SNX29: variants seen among roughly 807,000 people sequenced by gnomAD.
SNX29 encodes sorting nexin 29, also known as sorting nexin-29.
In SNX29, 78 loss-of-function variants were observed where a neutral mutation model predicts 102.1. The ratio of observed to expected loss-of-function variants is 0.76; its 90% confidence interval spans 0.64 to 0.92. The LOEUF is 0.92. Ranked by LOEUF, SNX29 falls within the 40% of genes least tolerant of loss-of-function variation. SNX29 has a pLI of 0.00. For missense variants in SNX29, 1,280 were observed against 1,061.7 expected (o/e 1.21, Z -2.86); for synonymous variants, 580 against 414.5 (o/e 1.40, Z -4.85).
chr16:12,495,996 C>T (rs1013934173), intron 19 of SNX29, among the ~76,000 whole-genome samples: 2 of 151,964 alleles, frequency 1.3e-5, no homozygotes, highest in South Asian at 2.1e-4. Context: ...TTTAGTGAGC[C>T]GAGATCATGC....
chr16:12,015,634 C>T (rs2056822807), intron 3 of SNX29, among the ~76,000 whole-genome samples: 1 of 151,358 alleles, frequency 6.6e-6, no homozygotes, highest in Non-Finnish European at 1.5e-5. Flanking sequence ...CTCCCGGGTT[C>T]ACACCATTCT....
intron 16 of SNX29, among the ~76,000 whole-genome samples, chr16:12,386,510 C>T (rs543309021): frequency 9.2e-5 from 14 of 152,340 alleles, no homozygotes; most frequent in Non-Finnish European, 2.1e-4. Flanking sequence ...CTTCACTGCT[C>T]TGCCCACCTG....
At chr16:12,542,168 C>CA (rs1677877673) in intron 20 of SNX29, among the ~76,000 whole-genome samples, 2 of 152,176 alleles carry the variant, frequency 1.3e-5, no homozygotes, top group South Asian at 4.1e-4. Context: ...TGCTGGGTGT[C>CA]AGGCCCTGTG....
At chr16:12,538,387 G>C (rs1411599234) in intron 20 of SNX29, among the ~76,000 whole-genome samples, 1 of 152,110 alleles carries the variant, frequency 6.6e-6, no homozygotes, top group East Asian at 1.9e-4. Flanking sequence ...ACCGCGCCCG[G>C]CCTCCCCTTG....
intron 18 of SNX29, among the ~76,000 whole-genome samples, chr16:12,469,252 C>T (rs1027062071): frequency 6.6e-6 from 1 of 152,182 alleles, no homozygotes; most frequent in African/African-American, 2.4e-5. Flanking sequence ...TCATCTTATT[C>T]TTGGCATTTG....
intron 15 of SNX29, among the ~76,000 whole-genome samples, chr16:12,318,661 A>C (rs1303914504): frequency 6.6e-6 from 1 of 151,954 alleles, no homozygotes; most frequent in African/African-American, 2.4e-5. Context: ...GCTTGTTCTT[A>C]TGGCCCAATA....
chr16:12,179,450 C>G (rs1415310695), intron 13 of SNX29, among the ~76,000 whole-genome samples: 1 of 152,258 alleles, frequency 6.6e-6, no homozygotes, highest in Non-Finnish European at 1.5e-5. Flanking sequence ...CGCCACTGTA[C>G]TCCAGCTTTG....
chr16:12,314,781 CTG>C (rs1238614774), intron 15 of SNX29, among the ~76,000 whole-genome samples: 4 of 152,148 alleles, frequency 2.6e-5, no homozygotes, highest in African/African-American at 7.2e-5. Context: ...CTGATTGAAA[CTG>C]TGGTTGAGCA....
At chr16:12,562,367 C>T (rs902782485) in intron 20 of SNX29, among the ~76,000 whole-genome samples, 1 of 143,982 alleles carries the variant, frequency 6.9e-6, no homozygotes, top group Non-Finnish European at 1.5e-5. Flanking sequence ...TTTGCTTGCA[C>T]CATTTTTTAA....
At chr16:12,392,047 A>G (rs977412998) in intron 16 of SNX29, among the ~76,000 whole-genome samples, 1 of 152,238 alleles carries the variant, frequency 6.6e-6, no homozygotes. Context: ...ACGTGTCTTT[A>G]TAGAAATGGT....
chr16:12,177,579 G>T (rs1050358680), intron 13 of SNX29, among the ~76,000 whole-genome samples: 4 of 152,132 alleles, frequency 2.6e-5, no homozygotes, highest in Non-Finnish European at 5.9e-5. Flanking sequence ...TCAATGCCTG[G>T]TATATAATAG....
chr16:12,493,563 C>T (rs1180805598), intron 19 of SNX29, among the ~76,000 whole-genome samples: 1 of 152,184 alleles, frequency 6.6e-6, no homozygotes, highest in Non-Finnish European at 1.5e-5. Flanking sequence ...CCAGAACTTC[C>T]AACACTATGT....
At chr16:12,119,024 T>C (rs567623062) in intron 11 of SNX29, among the ~76,000 whole-genome samples, 10 of 152,358 alleles carry the variant, frequency 6.6e-5, no homozygotes, top group African/African-American at 2.4e-4. Flanking sequence ...ACTCATACTT[T>C]AGGACATGAG....
At chr16:12,430,783 A>G (rs1597355319) in intron 18 of SNX29, among the ~76,000 whole-genome samples, 1 of 151,758 alleles carries the variant, frequency 6.6e-6, no homozygotes, top group East Asian at 1.9e-4. Context: ...ATAAAGAGAG[A>G]CACCTTAGTC....
intron 13 of SNX29, among the ~76,000 whole-genome samples, chr16:12,186,933 A>G (rs1037058502): frequency 6.6e-6 from 1 of 152,244 alleles, no homozygotes; most frequent in East Asian, 1.9e-4. Context: ...GGTCAAAGTC[A>G]AGAGAGATGT....
chr16:12,547,828 T>C (rs1225179792), intron 20 of SNX29, among the ~76,000 whole-genome samples: 1 of 152,222 alleles, frequency 6.6e-6, no homozygotes, highest in East Asian at 1.9e-4. Context: ...ACAGCCTTAC[T>C]GAGCCCCAGA....
chr16:12,028,559 T>C (rs1364495698), intron 4 of SNX29, among the ~76,000 whole-genome samples: 2 of 151,968 alleles, frequency 1.3e-5, no homozygotes, highest in Non-Finnish European at 2.9e-5. Flanking sequence ...GACAGAGATC[T>C]TGTTCTGTTG....
chr16:12,336,304 G>T (rs1052248350), intron 15 of SNX29, among the ~76,000 whole-genome samples: 1 of 152,168 alleles, frequency 6.6e-6, no homozygotes, highest in South Asian at 2.1e-4. Flanking sequence ...AGCATCCTGC[G>T]TTGACACAGA....
intron 20 of SNX29, chr16:12,545,601 G>C (rs1302701469): frequency 6.6e-6 from 1 of 152,222 alleles, no homozygotes; most frequent in Non-Finnish European, 1.5e-5. Context: ...GGAATCCAGA[G>C]GTACAGAAAG....
Sources: gnomAD v4.1 joint callset for allele counts (sites outside exome capture counted in the v4.1 genomes callset) on GRCh38, gnomAD v4.1.1 for gene constraint, MANE v1.5 for transcripts, NCBI Gene and HGNC (gene_info 2026-07-23, HGNC 2026-07-21) for gene names.